SGCZ: variants seen among roughly 807,000 people sequenced by gnomAD.
SGCZ encodes zeta-sarcoglycan.
In SGCZ, 40 loss-of-function variants were observed where a neutral mutation model predicts 41.3. That is an observed-to-expected ratio of 0.97 (90% confidence interval 0.75 to 1.26). The LOEUF (loss-of-function observed/expected upper bound fraction) is 1.26. SGCZ is among the 50% of genes most tolerant of loss of function. SGCZ has a pLI of 0.00. For missense variants in SGCZ, 552 were observed against 369.8 expected (o/e 1.49, Z -4.04); for synonymous variants, 206 against 137.5 (o/e 1.50, Z -3.49).
At chr8:14,391,040 C>T (rs1178714788) in intron 2 of SGCZ, among the ~76,000 whole-genome samples, 2 of 151,968 alleles carry the variant, frequency 1.3e-5, no homozygotes, top group East Asian at 1.9e-4. Context: ...CTAAATAAAA[C>T]ATAACATTAA....
chr8:14,524,761 C>G (rs1802889862), intron 2 of SGCZ, among the ~76,000 whole-genome samples: 1 of 151,992 alleles, frequency 6.6e-6, no homozygotes, highest in African/African-American at 2.4e-5. Flanking sequence ...AAAAGTGCTT[C>G]TTCTCCATCT....
chr8:14,387,733 A>T (rs1804625660), intron 2 of SGCZ, among the ~76,000 whole-genome samples: 1 of 151,942 alleles, frequency 6.6e-6, no homozygotes, highest in African/African-American at 2.4e-5. Context: ...TACATATTTT[A>T]AAAATATATA....
intron 1 of SGCZ, among the ~76,000 whole-genome samples, chr8:14,588,188 G>A (rs868474798): frequency 2.4e-5 from 2 of 84,348 alleles, no homozygotes; most frequent in South Asian, 9.0e-4. Flanking sequence ...AATAGCCATT[G>A]ATTACCCAGA....
At position 14,558,062 on chromosome 8, in the gene SGCZ, C is replaced by T. The variant is rs1334290170; in HGVS notation, c.40-3136G>A. On this transcript the variant is annotated intron_variant, in intron 1 of 7. Transcript: ENST00000382080. ...ATTTTAAGTGCATAGACTACAAAAC[C>T]TAGAGGACATGGCTCAATTCCCAAA... Among the ~76,000 whole-genome samples, 5 of 152,022 alleles carry T rather than the reference C, an allele frequency of 3.3e-5. No homozygotes were observed. The South Asian group carries it at 1.0e-3, about 32-fold the overall frequency.
At chr8:14,551,533 A>ATATATATTATATATATTATATATT (rs1275667444) in intron 2 of SGCZ, among the ~76,000 whole-genome samples, 14 of 12,154 alleles carry the variant, frequency 1.2e-3, no homozygotes, top group African/African-American at 5.4e-3. Context: ...TAATATATAT[A>ATATATATTATATATATTATATATT]ATATATATAA....
At chr8:14,370,455 T>C (rs972593346) in intron 2 of SGCZ, among the ~76,000 whole-genome samples, 3 of 151,930 alleles carry the variant, frequency 2.0e-5, no homozygotes, top group African/African-American at 7.2e-5. Flanking sequence ...TGAAACAAAT[T>C]GGTTATATGA....
chr8:14,818,114 T>G (rs1293702522), intron 1 of SGCZ, among the ~76,000 whole-genome samples: 1 of 152,092 alleles, frequency 6.6e-6, no homozygotes, highest in African/African-American at 2.4e-5. Flanking sequence ...AATCTTGCAG[T>G]GACCCCAACT....
At chr8:15,170,357 CA>C (rs1799790767) in intron 1 of SGCZ, among the ~76,000 whole-genome samples, 1 of 152,128 alleles carries the variant, frequency 6.6e-6, no homozygotes, top group Non-Finnish European at 1.5e-5. Flanking sequence ...TCCTCTTCCC[CA>C]AAGATATAAA....
chr8:14,280,251 A>T (rs1800376883), intron 3 of SGCZ, among the ~76,000 whole-genome samples: 1 of 151,940 alleles, frequency 6.6e-6, no homozygotes, highest in Non-Finnish European at 1.5e-5. Flanking sequence ...GTATTCTGAC[A>T]TGACAGAGGA....
chr8:15,021,729 G>C (rs919560884), intron 1 of SGCZ, among the ~76,000 whole-genome samples: 2 of 152,106 alleles, frequency 1.3e-5, no homozygotes, highest in Admixed American at 6.5e-5. Context: ...TTATCTTGAG[G>C]CCCTTCTTTC....
chr8:14,126,234 G>C (rs1802855502), intron 5 of SGCZ, among the ~76,000 whole-genome samples: 1 of 152,178 alleles, frequency 6.6e-6, no homozygotes, highest in African/African-American at 2.4e-5. Context: ...CTACCCATTT[G>C]ACAAATGTCT....
intron 2 of SGCZ, among the ~76,000 whole-genome samples, chr8:14,508,159 A>G (rs1042215868): frequency 1.3e-5 from 2 of 152,112 alleles, no homozygotes; most frequent in Non-Finnish European, 2.9e-5. Context: ...ACTTACCAGT[A>G]CCTAACATAC....
intron 1 of SGCZ, among the ~76,000 whole-genome samples, chr8:14,621,736 A>T (rs1177555451): frequency 1.3e-5 from 2 of 152,080 alleles, no homozygotes; most frequent in Non-Finnish European, 2.9e-5. Flanking sequence ...TCAGGAAGAC[A>T]GCATGGGGGA....
chr8:14,142,999 TAAAA>T (rs75035278), intron 5 of SGCZ, among the ~76,000 whole-genome samples: 1 of 142,640 alleles, frequency 7.0e-6, no homozygotes, highest in South Asian at 2.2e-4. Context: ...CTTTATAAAT[TAAAA>T]AAAAAAAAAG....
chr8:14,283,683 C>T (rs573374501), intron 3 of SGCZ, among the ~76,000 whole-genome samples: 1 of 152,206 alleles, frequency 6.6e-6, no homozygotes, highest in Non-Finnish European at 1.5e-5. Context: ...ATACAGTGAT[C>T]GAACATGAGT....
rs543273597 is a variant in SGCZ at position 15,023,519 on chromosome 8, A to G, written c.39+214066T>C. On this transcript the variant is annotated intron_variant, in intron 1 of 7. Transcript: ENST00000382080. ...GTGTGTGGCTGTTCATGCTACTCAAAGTATGGGTCTCAGTCCACTGCCAGT... is the reference window on the plus strand; with the variant it reads ...GTGTGTGGCTGTTCATGCTACTCAAGGTATGGGTCTCAGTCCACTGCCAGT... Among the ~76,000 whole-genome samples, 13 of 152,300 alleles carry G rather than the reference A, an allele frequency of 8.5e-5. No individual in the cohort carries two copies. The South Asian group carries it at 2.3e-3, about 27-fold the overall frequency.
chr8:14,511,584 A>G (rs1210142069), intron 2 of SGCZ, among the ~76,000 whole-genome samples: 1 of 152,132 alleles, frequency 6.6e-6, no homozygotes, highest in Non-Finnish European at 1.5e-5. Context: ...TTAAATATTA[A>G]GATTTTTGGA....
At chr8:14,951,488 T>C (rs1218994087) in intron 1 of SGCZ, among the ~76,000 whole-genome samples, 2 of 152,008 alleles carry the variant, frequency 1.3e-5, no homozygotes, top group Non-Finnish European at 2.9e-5. Context: ...TATGGTGAGA[T>C]AATAAATGTA....
intron 4 of SGCZ, among the ~76,000 whole-genome samples, chr8:14,216,203 T>C (rs1563190937): frequency 6.6e-6 from 1 of 152,188 alleles, no homozygotes; most frequent in African/African-American, 2.4e-5. Context: ...CATCCCCTTG[T>C]TATCTAACCT....
Sources: gnomAD v4.1 joint callset for allele counts (sites outside exome capture counted in the v4.1 genomes callset) on GRCh38, gnomAD v4.1.1 for gene constraint, MANE v1.5 for transcripts, NCBI Gene and HGNC (gene_info 2026-07-23, HGNC 2026-07-21) for gene names.